The following TECTA variants were observed in gnomAD, a reference collection of about 807,000 sequenced individuals.
TECTA encodes alpha-tectorin.
In TECTA, 128 loss-of-function variants were observed where a neutral mutation model predicts 216.8. That is an observed-to-expected ratio of 0.59 (90% CI 0.51 to 0.68). The LOEUF is 0.68. Ranked by LOEUF, TECTA falls within the 30% of genes least tolerant of loss-of-function variation. The probability of loss-of-function intolerance (pLI) is 0.00; values close to 1 mark genes in which losing one functional copy is unlikely to be tolerated. For synonymous variants in TECTA, 1,089 were observed against 1,117.1 expected (o/e 0.97, Z 0.50); for missense variants, 2,551 against 2,786.2 (o/e 0.92, Z 1.90).
intron 19 of TECTA, 112 bp from the exon 20 acceptor site, chr11:121,168,565 C>A: frequency 6.5e-7 from 1 of 1,529,516 alleles, no homozygotes; most frequent in Non-Finnish European, 9.0e-7. Context: ...CAGCCTTAGA[C>A]TTTGCTACTA....
In TECTA at chr11:121,129,790, A is replaced by T. The variant is rs201271587; in HGVS notation, c.2520A>T (p.Thr840=). ...TATTGTACATCCGGCTGTCCACCACATACTTCAATTGCACAGGGGGCTTGT... is the reference window on the plus strand; with the variant it reads ...TATTGTACATCCGGCTGTCCACCACTTACTTCAATTGCACAGGGGGCTTGT... ...IGLLYIRLST[T]YFNCTGGLCG... The change falls in exon 10 of 24, where the codon ACA becomes ACT. Residue 840 remains threonine (T), a synonymous_variant. Transcript: ENST00000392793. 1 of 1,614,106 alleles carries T rather than the reference A, an allele frequency of 6.2e-7. No individual in the cohort carries two copies. The highest frequency in any genetic ancestry group is 1.3e-5 in the African/African-American group (1 of 74,928).
Position 121,105,991 on chromosome 11 carries a change from G to A in TECTA, c.198+27G>A, listed in dbSNP as rs768106063. 1 of 1,614,132 alleles carries A rather than the reference G, an allele frequency of 6.2e-7. No homozygotes were observed. Among genetic ancestry groups the A allele is most frequent in the East Asian group, 2.2e-5 (1 of 44,884 alleles). ...TAAGTGGAGAAGCAGCCCATCTGTTGTTCTCTGGCCCTCCCTTTTGTTTGT... is the reference window on the plus strand; with the variant it reads ...TAAGTGGAGAAGCAGCCCATCTGTTATTCTCTGGCCCTCCCTTTTGTTTGT... On this transcript the variant is annotated intron_variant, in intron 3 of 23. Transcript: ENST00000392793. This position sits in a 1 kb window ranked among gnomAD's most constrained non-coding sequence, Gnocchi z 5.3.
At chr11:121,156,309 G>C (rs1946940483) in intron 13 of TECTA, among the ~76,000 whole-genome samples, 1 of 151,944 alleles carries the variant, frequency 6.6e-6, no homozygotes, top group Admixed American at 6.6e-5. Flanking sequence ...GGAGTAGCTG[G>C]GACTACAGGC....
Position 121,129,567 on chromosome 11 carries a change from A to G in TECTA, c.2368-71A>G, listed in dbSNP as rs1591445031. ...TAGCAATAGGGCAGACCGTGTCTTT[A>G]TCCCACAGCCTAGGAAATGGAAAGT... On this transcript the variant is annotated intron_variant, in intron 9 of 23. Coordinates refer to ENST00000392793, the MANE Select transcript of TECTA (RefSeq NM_005422.4). 12 of 1,526,790 alleles carry G rather than the reference A, an allele frequency of 7.9e-6. No individual in the cohort carries two copies. In the East Asian group the frequency reaches 2.7e-4, roughly 34 times the overall value. 94.6% of individuals were successfully genotyped at this position (1,526,790 alleles called of 1,614,324 possible).
chr11:121,162,358 AAGG>A lies in TECTA; in HGVS notation c.5263_5265del (p.Glu1755del). 2 of 1,613,226 alleles carry A rather than the reference AAGG, an allele frequency of 1.2e-6. No individual in the cohort carries two copies. The highest frequency in any genetic ancestry group is 1.7e-6 in the Non-Finnish European group (2 of 1,180,036). On this transcript the variant is annotated inframe_deletion, in exon 16 of 24. Coordinates refer to ENST00000392793, the MANE Select transcript of TECTA (RefSeq NM_005422.4). ...GATCCTTAGCACCGAGTGGATTGAG[AAGG>A]AGAATTGCTGTAAGAGAATTATTTT...
chr11:121,168,077 T>C lies in TECTA; in HGVS notation c.5610T>C (p.Tyr1870=). 6.2e-7 allele frequency: 1 copy of C among 1,614,200 alleles called. No individual in the cohort carries two copies. ...AGTCCAATGGCACGCATATCATGTA[T>C]AAAAACACACTCTGGATCGAAAGCG... ...IVQSNGTHIM[Y]KNTLWIESAN... Residue 1870 remains tyrosine (Y), a synonymous_variant, in exon 19 of 24, where the codon TAT becomes TAC. Transcript: ENST00000392793.
chr11:121,140,017 T>A (rs567371761), intron 11 of TECTA, among the ~76,000 whole-genome samples: 5 of 152,230 alleles, frequency 3.3e-5, no homozygotes, highest in Admixed American at 6.5e-5. Flanking sequence ...TAGATTTAGG[T>A]GTTTTCATGC....
chr11:121,137,714 G>A lies in TECTA; in HGVS notation c.3235G>A (p.Asp1079Asn). 1.2e-6 allele frequency: 2 copies of A among 1,614,088 alleles called. No individual in the cohort carries two copies. Among genetic ancestry groups the A allele is most frequent in the South Asian group, 1.1e-5 (1 of 91,060 alleles). Residue 1079 changes from aspartate to asparagine, a missense_variant, in exon 11 of 24, where the codon GAT (aspartate) becomes AAT (asparagine). Around this residue, in one of 3 missense-constraint regions of TECTA, gnomAD observed 2,375 missense variants for 2,563.9 expected, o/e 0.93. Transcript: ENST00000392793. ...CCACTGCGAGACCATTCCCTGCAAG[G>A]ATGATGAGTACTGCATGGAGGAAGG... ...RVHCETIPCK[D>N]DEYCMEEGGL...
intron 10 of TECTA, among the ~76,000 whole-genome samples, chr11:121,130,830 G>A (rs557413466): frequency 6.6e-5 from 10 of 152,162 alleles, no homozygotes; most frequent in South Asian, 2.1e-4. Context: ...GGACTCACTC[G>A]TGGAGCAAGA....
At chr11:121,131,703 C>T (rs1321220397) in intron 10 of TECTA, among the ~76,000 whole-genome samples, 1 of 152,178 alleles carries the variant, frequency 6.6e-6, no homozygotes, top group Non-Finnish European at 1.5e-5. Flanking sequence ...TCTGTAGACG[C>T]CTTTAATCTG....
In TECTA at chr11:121,127,891, C is replaced by G. The variant is rs1027940526; in HGVS notation, c.1914C>G (p.Val638=). The change falls in exon 9 of 24, where the codon GTC becomes GTG. Residue 638 remains valine, a synonymous_variant. Transcript: ENST00000392793. This position sits in a 1 kb window ranked among gnomAD's most constrained non-coding sequence, Gnocchi z 5.0. ...TEGCECNQGF[V]LSTSQCVPLH... ...GCTGCGAGTGCAACCAGGGCTTCGT[C>G]CTCAGCACCAGCCAGTGCGTCCCTC... The G allele has an allele frequency of 7.4e-6, 12 of 1,614,112 alleles. No homozygotes were observed. Among genetic ancestry groups the G allele is most frequent in the Non-Finnish European group, 1.0e-5 (12 of 1,180,034 alleles).
Position 121,125,718 on chromosome 11 carries a change from C to A in TECTA, c.1620C>A (p.Val540=). ...GCCCTCTGTGGGAGTGTGGCACTGTCGTGGACCCCACTGCTTTTGTGCACA... is the reference window on the plus strand; with the variant it reads ...GCCCTCTGTGGGAGTGTGGCACTGTAGTGGACCCCACTGCTTTTGTGCACA... ...TDGPLWECGT[V]VDPTAFVHSC... The change falls in exon 8 of 24, where the codon GTC becomes GTA. Residue 540 remains valine, a synonymous_variant. Transcript: ENST00000392793. 1 of 1,613,300 alleles carries A rather than the reference C, an allele frequency of 6.2e-7. No individual in the cohort carries two copies. Among genetic ancestry groups the A allele is most frequent in the Non-Finnish European group, 8.5e-7 (1 of 1,179,268 alleles).
chr11:121,165,334 C>G lies in TECTA; in HGVS notation c.5334C>G (p.Gly1778=). The change falls in exon 17 of 24, where the codon GGC becomes GGG. Residue 1778 remains glycine (G), a synonymous_variant. Coordinates refer to ENST00000392793, the MANE Select transcript of TECTA (RefSeq NM_005422.4). ...GTCCCAACCGAACTTGCGAGCTGGG[C>G]AATGGCAGGGAGCTGTGTGGCTGCA... The part of the protein sequence containing the change: ...ADCPNRTCEL[G]NGRELCGCIE... The G allele has an allele frequency of 6.2e-7, 1 of 1,608,364 alleles. No homozygotes were observed. Among genetic ancestry groups the G allele is most frequent in the Non-Finnish European group, 8.5e-7 (1 of 1,177,582 alleles).
intron 13 of TECTA, among the ~76,000 whole-genome samples, chr11:121,153,735 A>G (rs770284005): frequency 6.6e-6 from 1 of 152,214 alleles, no homozygotes; most frequent in Non-Finnish European, 1.5e-5. Context: ...GTTTCTCAAT[A>G]AAGCATATTA....
chr11:121,171,924 C>T (rs952154748), intron 20 of TECTA, among the ~76,000 whole-genome samples: 1 of 152,150 alleles, frequency 6.6e-6, no homozygotes, highest in Non-Finnish European at 1.5e-5. Context: ...CTTGATTGAA[C>T]TGGCTAGGAC....
chr11:121,124,590 T>C (rs539282085), intron 7 of TECTA, among the ~76,000 whole-genome samples: 1 of 152,384 alleles, frequency 6.6e-6, no homozygotes, highest in South Asian at 2.1e-4. Flanking sequence ...TTAAAGAGTA[T>C]GCTGTAAGTA....
chr11:121,137,556 T>C lies in TECTA; in HGVS notation c.3077T>C (p.Leu1026Pro). 1 of 1,613,926 alleles carries C rather than the reference T, an allele frequency of 6.2e-7. No individual in the cohort carries two copies. The highest frequency in any genetic ancestry group is 8.5e-7 in the Non-Finnish European group (1 of 1,179,984). Residue 1026 changes from leucine (L) to proline (P), a missense_variant, in exon 11 of 24, where the codon CTG becomes CCG. Leu to Pro is a moderately conservative substitution (Grantham distance 98). Transcript: ENST00000392793. ...CAGTGTGATGAGGGCTATGCTCTAC[T>C]GGGCAGCCAGTGTGTCACGCGGAGT... The part of the protein sequence containing the change: ...GCQCDEGYAL[L>P]GSQCVTRSEC...
In TECTA at chr11:121,158,128, C is replaced by T; in HGVS notation, c.4593C>T (p.Phe1531=). ...TCTCCTTCCAGCTTATCATCAACTT[C>T]GACAAGTGGTCGGCCCCCAACCTCA... The part of the protein sequence containing the change: ...PDISFQLIIN[F]DKWSAPNLTI... Residue 1531 remains phenylalanine, a synonymous_variant, in exon 14 of 24, where the codon TTC becomes TTT. Coordinates refer to ENST00000392793, the MANE Select transcript of TECTA (RefSeq NM_005422.4). 1.9e-6 allele frequency: 3 copies of T among 1,614,218 alleles called. No homozygotes were observed. The highest frequency in any genetic ancestry group is 2.5e-6 in the Non-Finnish European group (3 of 1,180,046).
At chr11:121,132,466 G>A (rs112368131) in intron 10 of TECTA, among the ~76,000 whole-genome samples, 5 of 152,128 alleles carry the variant, frequency 3.3e-5, no homozygotes, top group Admixed American at 6.5e-5. Context: ...TGGTTCCTTC[G>A]AGTGGAGCGT....
Sources: allele counts gnomAD v4.1 joint callset (sites outside exome capture counted in the v4.1 genomes callset), GRCh38; gene constraint gnomAD v4.1.1; regional missense constraint gnomAD v4.1.1; non-coding constraint Gnocchi (gnomAD v3.1); transcripts MANE v1.5; gene names NCBI Gene and HGNC (gene_info 2026-07-23, HGNC 2026-07-21).